The following NHSL2 variants were observed in gnomAD, a reference collection of about 807,000 sequenced individuals.
The protein encoded by NHSL2 is NHS-like protein 2.
In NHSL2, 27 loss-of-function variants were observed where a neutral mutation model predicts 53.4. The ratio of observed to expected loss-of-function variants is 0.51; its 90% confidence interval spans 0.37 to 0.70. The LOEUF is 0.70. NHSL2 is among the 30% of genes least tolerant of loss of function. The pLI is 0.00. For missense variants in NHSL2, 892 were observed against 980.1 expected, an observed-to-expected ratio of 0.91 and a Z score of 1.20; for synonymous variants, 408 against 404.1, an observed-to-expected ratio of 1.01 and a Z score of -0.12.
At chrX:72,130,659 C>T in intron 1 of NHSL2, 1 of 1,211,899 alleles carries the variant, frequency 8.3e-7, no homozygotes, top group East Asian at 3.0e-5. Flanking sequence ...CCAGGTCGGC[C>T]ATTTCTGTTG....
chrX:71,985,982 G>C (rs1425190291), intron 1 of NHSL2, among the ~76,000 whole-genome samples: 1 of 111,631 alleles, frequency 9.0e-6, no homozygotes, highest in East Asian at 2.8e-4. Context: ...AAAGAAATTT[G>C]GTTACCTCTA....
intron 1 of NHSL2, among the ~76,000 whole-genome samples, chrX:72,089,857 CAA>C (rs202226560): frequency 4.8e-5 from 5 of 105,135 alleles, no homozygotes; most frequent in Admixed American, 1.0e-4. Flanking sequence ...ACTTATTGTA[CAA>C]AAAAAAAATC....
At chrX:71,940,200 G>A (rs2041759163) in intron 1 of NHSL2, among the ~76,000 whole-genome samples, 1 of 112,187 alleles carries the variant, frequency 8.9e-6, no homozygotes, top group South Asian at 3.7e-4. Flanking sequence ...AAAGTTTCAA[G>A]ATAGAGGCAG....
At chrX:72,048,410 A>G (rs2042317795) in intron 1 of NHSL2, among the ~76,000 whole-genome samples, 1 of 110,958 alleles carries the variant, frequency 9.0e-6, no homozygotes, top group African/African-American at 3.3e-5. Context: ...GAAGGGGAAG[A>G]TGCAGATAAC....
intron 1 of NHSL2, among the ~76,000 whole-genome samples, chrX:72,035,312 G>A (rs960603481): frequency 1.9e-5 from 2 of 105,395 alleles, no homozygotes; most frequent in Non-Finnish European, 3.9e-5. Context: ...TTTTGCCTTG[G>A]TGAATGTTCC....
chrX:72,118,949 A>G (rs1458441992), intron 1 of NHSL2, among the ~76,000 whole-genome samples: 1 of 111,301 alleles, frequency 9.0e-6, no homozygotes, highest in Middle Eastern at 4.2e-3. Flanking sequence ...AATTTTGTCT[A>G]TATATGAGAA....
intron 1 of NHSL2, among the ~76,000 whole-genome samples, chrX:71,940,805 C>T (rs1302345684): frequency 9.0e-6 from 1 of 110,828 alleles, no homozygotes; most frequent in African/African-American, 3.3e-5. Context: ...AAGAGAGAGC[C>T]CAATGGAGAC....
At chrX:71,924,444 A>AT (rs916966243) in intron 1 of NHSL2, among the ~76,000 whole-genome samples, 1 of 111,701 alleles carries the variant, frequency 9.0e-6, no homozygotes, top group African/African-American at 3.3e-5. Context: ...TGTATTGACC[A>AT]TTTTTGAATT....
chrX:71,938,892 A>G (rs1216620356), intron 1 of NHSL2, among the ~76,000 whole-genome samples: 5 of 112,789 alleles, frequency 4.4e-5, no homozygotes. Context: ...AAGTGAACAG[A>G]GAGGGCTTTG....
rs1485270036 is a variant in NHSL2 at position 72,111,529 on chromosome X, C to T, written c.281-20550C>T. Among the ~76,000 whole-genome samples, 5 of 112,358 alleles carry T rather than the reference C, an allele frequency of 4.5e-5. No individual in the cohort carries two copies. In the Admixed American group the frequency reaches 4.7e-4, roughly 11 times the overall value. On this transcript the variant is annotated intron_variant, in intron 1 of 7. Transcript: ENST00000633930. Reference sequence around the variant, plus strand: ...AGACATTATTATTATCTCAGTTTTGCAAATATAGACTGAGTCTTAGCTCAG... The same window carrying T: ...AGACATTATTATTATCTCAGTTTTGTAAATATAGACTGAGTCTTAGCTCAG...
chrX:71,926,891 G>A (rs939695971), intron 1 of NHSL2, among the ~76,000 whole-genome samples: 1 of 111,143 alleles, frequency 9.0e-6, no homozygotes, highest in South Asian at 3.9e-4. Context: ...AGTACCTGCT[G>A]TATCTCTGGT....
chrX:71,991,848 C>CTCTCTCTCTCTCTG (rs776360819), intron 1 of NHSL2, among the ~76,000 whole-genome samples: 33 of 108,855 alleles, frequency 3.0e-4, no homozygotes, highest in African/African-American at 1.1e-3. Context: ...CTCTCTCTCT[C>CTCTCTCTCTCTCTG]TCTGTCTTTG....
intron 1 of NHSL2, chrX:72,129,897 A>G (rs2042267121): frequency 1.7e-6 from 2 of 1,208,201 alleles, no homozygotes; most frequent in Admixed American, 2.2e-5. Context: ...GGAAAAGCAC[A>G]GGGGGGCGTC....
At chrX:72,100,589 A>G (rs929372276) in intron 1 of NHSL2, among the ~76,000 whole-genome samples, 1 of 112,074 alleles carries the variant, frequency 8.9e-6, no homozygotes, top group African/African-American at 3.3e-5. Context: ...GGCGAGCATT[A>G]CCGCCTGAGC....
chrX:72,049,019 G>GAGGAAGAGGAAT (rs2042323654), intron 1 of NHSL2, among the ~76,000 whole-genome samples: 1 of 104,015 alleles, frequency 9.6e-6, no homozygotes, highest in Non-Finnish European at 2.0e-5. Flanking sequence ...AGAAGAGGAA[G>GAGGAAGAGGAAT]AGGAAGAGGA....
At chrX:72,107,873 C>T (rs1351321199) in intron 1 of NHSL2, among the ~76,000 whole-genome samples, 2 of 111,695 alleles carry the variant, frequency 1.8e-5, no homozygotes, top group East Asian at 5.6e-4. Context: ...ATGGGAAGAC[C>T]CTGTCAGCCA....
chrX:71,917,280 C>G (rs1055402315), intron 1 of NHSL2, among the ~76,000 whole-genome samples: 119 of 83,718 alleles, frequency 1.4e-3, no homozygotes, highest in African/African-American at 4.6e-3. Context: ...CTCCCTCCCT[C>G]CCTCCTTTCC....
intron 1 of NHSL2, among the ~76,000 whole-genome samples, chrX:72,045,704 G>T (rs1311533343): frequency 2.7e-5 from 3 of 112,315 alleles, no homozygotes; most frequent in African/African-American, 9.7e-5. Context: ...CCCTGCTTAC[G>T]GAGACAGGCC....
chrX:71,948,092 G>GA (rs1422406935), intron 1 of NHSL2, among the ~76,000 whole-genome samples: 1 of 110,634 alleles, frequency 9.0e-6, no homozygotes, highest in East Asian at 2.8e-4. Context: ...AAGCAAAAGA[G>GA]ATCCAAGAGA....
Sources: gnomAD v4.1 joint callset for allele counts (sites outside exome capture counted in the v4.1 genomes callset) on GRCh38, gnomAD v4.1.1 for gene constraint, MANE v1.5 for transcripts, NCBI Gene and HGNC (gene_info 2026-07-23, HGNC 2026-07-21) for gene names.